The following DDR2 variants were observed in gnomAD, a reference collection of about 807,000 sequenced individuals.
The protein encoded by DDR2 is discoidin domain receptor tyrosine kinase 2.
A neutral mutation model predicts 94.9 loss-of-function variants in DDR2; 27 were observed. The ratio of observed to expected loss-of-function variants is 0.28; its 90% CI spans 0.21 to 0.39. DDR2 has a LOEUF of 0.39. Among genes scored for constraint, DDR2 ranks in the 10% least tolerant of loss-of-function variants. The probability of loss-of-function intolerance (pLI) is 1.00; values close to 1 mark genes in which losing one functional copy is unlikely to be tolerated. For missense variants in DDR2, 783 were observed against 1,076.0 expected (o/e 0.73, Z 3.81); for synonymous variants, 382 against 377.2 (o/e 1.01, Z -0.15).
At chr1:162,755,933 T>C (rs969895434) in intron 7 of DDR2, among the ~76,000 whole-genome samples, 164 bp downstream of exon 7, 1 of 152,238 alleles carries the variant, frequency 6.6e-6, no homozygotes, top group African/African-American at 2.4e-5. Context: ...ATGACCTTTA[T>C]TTCCAGGGAA....
At chr1:162,727,525 TAAATAA>T (rs1168838433) in intron 3 of DDR2, among the ~76,000 whole-genome samples, 178 of 146,284 alleles carry the variant, frequency 1.2e-3, no homozygotes, top group African/African-American at 2.6e-3. Context: ...AATAAATAAA[TAAATAA>T]AAATAAAAAT....
At chr1:162,643,567 G>A (rs748665938) in intron 1 of DDR2, among the ~76,000 whole-genome samples, 24 of 152,018 alleles carry the variant, frequency 1.6e-4, no homozygotes, top group Admixed American at 7.9e-4. Context: ...CTGTAACTCC[G>A]CCTCCCCGGC....
intron 3 of DDR2, among the ~76,000 whole-genome samples, chr1:162,739,867 T>C (rs1662503607): frequency 6.6e-6 from 1 of 151,750 alleles, no homozygotes; most frequent in South Asian, 2.1e-4. Flanking sequence ...GGGTAGCCAG[T>C]AGAATCTTCT....
chr1:162,743,286 T>G (rs1254528935), intron 3 of DDR2, among the ~76,000 whole-genome samples: 1 of 152,116 alleles, frequency 6.6e-6, no homozygotes, highest in Non-Finnish European at 1.5e-5. Context: ...ATATCCTCCT[T>G]CTTCAAGCCC....
chr1:162,728,158 A>G (rs896463526), intron 3 of DDR2, among the ~76,000 whole-genome samples: 4 of 145,660 alleles, frequency 2.7e-5, no homozygotes, highest in African/African-American at 1.0e-4. Context: ...ATATATCTAT[A>G]TAAATATATA....
chr1:162,665,333 T>C (rs1658497320), intron 2 of DDR2, among the ~76,000 whole-genome samples: 1 of 152,178 alleles, frequency 6.6e-6, no homozygotes, highest in African/African-American at 2.4e-5. Context: ...CAAGGGACTA[T>C]GTTGTAGATG....
upstream of DDR2, among the ~76,000 whole-genome samples, chr1:162,631,219 TGTGTGTGC>T (rs1212639435): frequency 3.7e-4 from 44 of 118,266 alleles, no homozygotes; most frequent in Non-Finnish European, 7.6e-5. Flanking sequence ...TGTGTGTGTG[TGTGTGTGC>T]GCTTTTCCAT....
At chr1:162,728,536 A>G (rs1464261586) in intron 3 of DDR2, among the ~76,000 whole-genome samples, 2 of 152,182 alleles carry the variant, frequency 1.3e-5, no homozygotes, top group Non-Finnish European at 2.9e-5. Context: ...GATCCTCAGT[A>G]TATGACAAAT....
chr1:162,744,591 C>T (rs201076611), intron 3 of DDR2, among the ~76,000 whole-genome samples: 29 of 152,102 alleles, frequency 1.9e-4, no homozygotes, highest in African/African-American at 6.3e-4. Context: ...TAGGTATACA[C>T]GTGCCATGGT....
At position 162,739,192 on chromosome 1, in the gene DDR2, T is replaced by G. The variant is rs550657312; in HGVS notation, c.83-13903T>G. Among the ~76,000 whole-genome samples the G allele has an allele frequency of 8.8e-5, 12 of 136,022 alleles. No individual in the cohort carries two copies. The East Asian group carries it at 1.3e-3, about 15-fold the overall frequency. 89.2% of individuals were successfully genotyped at this position (136,022 alleles called of 152,430 possible). A position where few individuals can be genotyped will look rare whatever the true frequency, so the allele number is the denominator to read the frequency against. On this transcript the variant is annotated intron_variant, in intron 3 of 17. Transcript: ENST00000367921. ...AGGCAACCTACAACATGGGAGAAAA[T>G]TTTCGCAACCTACTCATCTGACAAA...
chr1:162,767,207 T>C, intron 10 of DDR2, 22 bp from the exon 11 acceptor site: 1 of 1,614,078 alleles, frequency 6.2e-7, no homozygotes, highest in South Asian at 1.1e-5. Flanking sequence ...TTGTATTCTC[T>C]GCCTTCTCTC....
rs1022122348 is a variant in DDR2, at chr1:162,754,485, ACT to A, written c.186-138_186-137del. On this transcript the variant is annotated intron_variant, in intron 4 of 17. Coordinates refer to ENST00000367921, the MANE Select transcript of DDR2 (RefSeq NM_006182.4). ...AATGGGTACTGTGGTGGCAGTGAAA[ACT>A]GTGGCAAGAACCCAAAATGTTTATA... 28 of 802,730 alleles carry A rather than the reference ACT, an allele frequency of 3.5e-5. No individual in the cohort carries two copies. The Admixed American group carries it at 3.8e-4, about 11-fold the overall frequency. The allele number at this position is 802,730 out of a possible 1,614,324, so 49.7% of individuals were successfully genotyped here.
chr1:162,728,011 T>G (rs1364626506), intron 3 of DDR2, among the ~76,000 whole-genome samples: 1 of 142,396 alleles, frequency 7.0e-6, no homozygotes. Context: ...TATATATATA[T>G]AGATATAATC....
chr1:162,770,325 T>C lies in DDR2; in HGVS notation c.1317T>C (p.Asp439=). 1 of 1,614,166 alleles carries C rather than the reference T, an allele frequency of 6.2e-7. No individual in the cohort carries two copies. The change falls in exon 12 of 18, where the codon GAT becomes GAC. Residue 439 remains aspartate (D), a synonymous_variant. Transcript: ENST00000367921. ...AGGCTTCTCGGAGGATGCTGGATGA[T>C]GAAATGACAGTCAGCCTTTCCCTGC... The part of the protein sequence containing the change: ...LEKASRRMLD[D]EMTVSLSLPS...
At chr1:162,633,005 T>C (rs539165888) in intron 1 of DDR2, among the ~76,000 whole-genome samples, 1 of 152,342 alleles carries the variant, frequency 6.6e-6, no homozygotes, top group South Asian at 2.1e-4. Flanking sequence ...GCAGGAGAGC[T>C]AAGTTTTTAG....
chr1:162,748,621 C>A (rs972212029), intron 3 of DDR2, among the ~76,000 whole-genome samples: 3 of 152,134 alleles, frequency 2.0e-5, no homozygotes, highest in Non-Finnish European at 4.4e-5. Context: ...ACAAGGATAT[C>A]CAGGACTTGA....
At chr1:162,702,735 C>T (rs528477047) in intron 2 of DDR2, among the ~76,000 whole-genome samples, 2 of 152,290 alleles carry the variant, frequency 1.3e-5, no homozygotes, top group South Asian at 4.1e-4. Flanking sequence ...GACATGTCTT[C>T]CTCACATTAT....
intron 3 of DDR2, among the ~76,000 whole-genome samples, chr1:162,729,943 A>G (rs1661942646): frequency 1.4e-5 from 2 of 147,288 alleles, no homozygotes; most frequent in South Asian, 2.1e-4. Context: ...AGGTTTCTCC[A>G]TGTTGGTCAG....
chr1:162,697,679 A>G (rs1439137741), intron 2 of DDR2, among the ~76,000 whole-genome samples: 3 of 152,316 alleles, frequency 2.0e-5, no homozygotes, highest in East Asian at 3.9e-4. Context: ...CTCCAGTTGT[A>G]ATAATAAGAG....
Sources: allele counts gnomAD v4.1 joint callset (sites outside exome capture counted in the v4.1 genomes callset), GRCh38; gene constraint gnomAD v4.1.1; transcripts MANE v1.5; gene names NCBI Gene and HGNC (gene_info 2026-07-23, HGNC 2026-07-21).